SPOCK1: variants seen among roughly 807,000 people sequenced by gnomAD.
SPOCK1 encodes testican-1.
A neutral mutation model predicts 55.3 loss-of-function variants in SPOCK1; 23 were observed. That is an observed-to-expected ratio of 0.42 (90% CI 0.30 to 0.59). The LOEUF (loss-of-function observed/expected upper bound fraction) is 0.59, where lower values mean the gene tolerates loss of function less well. SPOCK1 is among the 20% of genes least tolerant of loss of function. The probability of loss-of-function intolerance (pLI) is 0.22; values close to 1 mark genes in which losing one functional copy is unlikely to be tolerated. For missense variants in SPOCK1, 499 were observed against 552.5 expected, an observed-to-expected ratio of 0.90 and a Z score of 0.97; for synonymous variants, 226 against 221.0, an observed-to-expected ratio of 1.02 and a Z score of -0.20.
intron 7 of SPOCK1, chr5:136,988,979 A>G (rs947729008): frequency 1.3e-4 from 26 of 204,666 alleles, no homozygotes; most frequent in Non-Finnish European, 2.9e-5. Flanking sequence ...GGTGAGTGAG[A>G]GGTATAGCTT....
chr5:137,191,789 T>C (rs1054874271), intron 3 of SPOCK1, among the ~76,000 whole-genome samples: 4 of 152,188 alleles, frequency 2.6e-5, no homozygotes, highest in African/African-American at 9.6e-5. Flanking sequence ...TTTGAAACAA[T>C]ACCTAAAGTC....
intron 2 of SPOCK1, among the ~76,000 whole-genome samples, chr5:137,279,886 CCAA>C (rs1757136312): frequency 6.6e-6 from 1 of 152,100 alleles, no homozygotes; most frequent in Non-Finnish European, 1.5e-5. Flanking sequence ...ATAATTAAAA[CCAA>C]CTAGTCTTCT....
chr5:137,326,323 G>T (rs2522216), intron 2 of SPOCK1, among the ~76,000 whole-genome samples: 4 of 151,928 alleles, frequency 2.6e-5, no homozygotes, highest in Non-Finnish European at 5.9e-5. Context: ...AAGAAATCAG[G>T]CCAAAGGCAT....
intron 2 of SPOCK1, among the ~76,000 whole-genome samples, chr5:137,279,200 T>C (rs1757126247): frequency 6.6e-6 from 1 of 152,208 alleles, no homozygotes; most frequent in Non-Finnish European, 1.5e-5. Context: ...TGGGACAAAT[T>C]AGATGGAGCC....
At chr5:137,169,671 A>G (rs2127057440) in intron 3 of SPOCK1, among the ~76,000 whole-genome samples, 1 of 152,284 alleles carries the variant, frequency 6.6e-6, no homozygotes, top group Admixed American at 6.5e-5. Flanking sequence ...GAGAACATCA[A>G]CTATGTATCA....
intron 5 of SPOCK1, among the ~76,000 whole-genome samples, chr5:137,074,735 C>T (rs772638092): frequency 2.0e-5 from 3 of 149,726 alleles, no homozygotes; most frequent in African/African-American, 2.5e-5. Context: ...GATGGAGTCT[C>T]GCTCTGTCAC....
intron 6 of SPOCK1, among the ~76,000 whole-genome samples, chr5:137,011,171 T>G (rs1421062633): frequency 6.6e-6 from 1 of 152,118 alleles, no homozygotes; most frequent in African/African-American, 2.4e-5. Context: ...ATTTAGCAAA[T>G]TATATAGACT....
intron 5 of SPOCK1, among the ~76,000 whole-genome samples, chr5:137,089,221 T>C (rs955294378): frequency 6.6e-5 from 10 of 152,186 alleles, no homozygotes; most frequent in African/African-American, 2.4e-4. Context: ...TCTTTGACAC[T>C]GCCTGTGAAT....
At position 136,988,450 on chromosome 5, in the gene SPOCK1, C is replaced by G; in HGVS notation, c.900G>C (p.Glu300Asp). The change falls in exon 8 of 11, where the codon GAG (glutamate) becomes GAC (aspartate). Residue 300 changes from glutamate to aspartate, a missense_variant. Glu to Asp is a conservative substitution (Grantham distance 45). Around this residue, in one of 3 missense-constraint regions of SPOCK1, gnomAD observed 386 missense variants for 400.6 expected, o/e 0.96. Coordinates refer to ENST00000394945, the MANE Select transcript of SPOCK1 (RefSeq NM_004598.4). ...SFKDGKLSNN[E>D]WCYCFQKPGG... Reference sequence around the variant, plus strand: ...CAGGCTTCTGGAAGCAGTAGCACCACTCATTGTTAGAAAGCTTGCCATCCT... The same window carrying G: ...CAGGCTTCTGGAAGCAGTAGCACCAGTCATTGTTAGAAAGCTTGCCATCCT... 3 of 1,614,130 alleles carry G rather than the reference C, an allele frequency of 1.9e-6. No homozygotes were observed. The highest frequency in any genetic ancestry group is 2.5e-6 in the Non-Finnish European group (3 of 1,179,994).
At chr5:137,109,063 C>A (rs902210999) in intron 5 of SPOCK1, among the ~76,000 whole-genome samples, 1 of 152,160 alleles carries the variant, frequency 6.6e-6, no homozygotes, top group Non-Finnish European at 1.5e-5. Flanking sequence ...GCTCCTCCTG[C>A]GAATGAGTGG....
chr5:137,208,028 A>G (rs529482425), intron 3 of SPOCK1, among the ~76,000 whole-genome samples: 1 of 152,198 alleles, frequency 6.6e-6, no homozygotes, highest in South Asian at 2.1e-4. Flanking sequence ...TCCCTCTCCC[A>G]TTCATCTCCC....
chr5:137,146,847 G>A (rs1389009665), intron 3 of SPOCK1, among the ~76,000 whole-genome samples: 2 of 152,194 alleles, frequency 1.3e-5, no homozygotes, highest in Non-Finnish European at 2.9e-5. Flanking sequence ...TATTAGACAT[G>A]TGCCTGGATA....
At chr5:136,985,664 G>A (rs1029745871) in intron 8 of SPOCK1, among the ~76,000 whole-genome samples, 1 of 152,088 alleles carries the variant, frequency 6.6e-6, no homozygotes, top group Non-Finnish European at 1.5e-5. Flanking sequence ...ACCACCCCCA[G>A]GAAAGTAAAA....
intron 6 of SPOCK1, among the ~76,000 whole-genome samples, chr5:137,042,585 C>G (rs1414845202): frequency 6.6e-6 from 1 of 152,046 alleles, no homozygotes; most frequent in Non-Finnish European, 1.5e-5. Flanking sequence ...TATAAGCAAA[C>G]AGCCTATACA....
At chr5:137,144,224 C>T (rs1192918199) in intron 3 of SPOCK1, among the ~76,000 whole-genome samples, 4 of 152,122 alleles carry the variant, frequency 2.6e-5, no homozygotes, top group Non-Finnish European at 4.4e-5. Flanking sequence ...GTCAAAGGAA[C>T]CATGGTCTGG....
chr5:137,405,630 G>A (rs571440450), intron 2 of SPOCK1, among the ~76,000 whole-genome samples: 39 of 152,082 alleles, frequency 2.6e-4, no homozygotes, highest in African/African-American at 8.0e-4. Flanking sequence ...GCTCCAGATC[G>A]CCCCCAGCTA....
rs1422603888 is a variant in SPOCK1 at position 136,975,827 on chromosome 5, TA to T, written c.*2826del. 6.6e-6 allele frequency: 1 copy of T among 152,154 alleles called. No individual in the cohort carries two copies. Among genetic ancestry groups the T allele is most frequent in the African/African-American group, 2.4e-5 (1 of 41,446 alleles). The allele number at this position is 152,154 out of a possible 1,614,324, so 9.4% of individuals were successfully genotyped here. A position where few individuals can be genotyped will look rare whatever the true frequency, so the allele number is the denominator to read the frequency against. ...AGAATACATTCATATGGCAAATAACTAACCATGGTGGAACAAAATTCTGGGA... is the reference window on the plus strand; with the variant it reads ...AGAATACATTCATATGGCAAATAACTACCATGGTGGAACAAAATTCTGGGA... On this transcript the variant is annotated 3_prime_UTR_variant, in exon 11 of 11. Coordinates refer to ENST00000394945, the MANE Select transcript of SPOCK1 (RefSeq NM_004598.4).
At position 137,333,547 on chromosome 5, in the gene SPOCK1, C is replaced by T. The variant is rs190337768; in HGVS notation, c.187-66492G>A. Among the ~76,000 whole-genome samples, 8 of 152,304 alleles carry T rather than the reference C, an allele frequency of 5.3e-5. No homozygotes were observed. The Middle Eastern group carries it at 0.017, about 324-fold the overall frequency. On this transcript the variant is annotated intron_variant, in intron 2 of 10. Transcript: ENST00000394945. The stretch of plus-strand genomic sequence containing the variant: ...ATCTGCTCTGGTCTTCCTGATAAGT[C>T]CGGGCCTGAGGATGTTTTGATAAAA...
intron 3 of SPOCK1, among the ~76,000 whole-genome samples, chr5:137,247,555 C>T (rs1016601937): frequency 2.6e-5 from 4 of 152,132 alleles, no homozygotes; most frequent in Non-Finnish European, 5.9e-5. Context: ...GCTATACAAC[C>T]GATTATCACC....
Sources: gnomAD v4.1 joint callset for allele counts (sites outside exome capture counted in the v4.1 genomes callset) on GRCh38, gnomAD v4.1.1 for gene constraint, gnomAD v4.1.1 regional missense constraint, MANE v1.5 for transcripts, NCBI Gene and HGNC (gene_info 2026-07-23, HGNC 2026-07-21) for gene names.